The following NCOR2 variants were observed in gnomAD, a reference collection of about 807,000 sequenced individuals.
NCOR2 encodes the protein nuclear receptor corepressor 2, also known as CTG repeat protein 26.
NCOR2 carries 81 observed loss-of-function variants against 262.9 expected under a neutral mutation model. The ratio of observed to expected loss-of-function variants is 0.31; its 90% CI spans 0.26 to 0.37. The LOEUF (loss-of-function observed/expected upper bound fraction) is 0.37, where lower values mean the gene tolerates loss of function less well. Among genes scored for constraint, NCOR2 ranks in the 10% least tolerant of loss-of-function variants. The pLI is 1.00. For missense variants in NCOR2, 3,385 were observed against 3,621.4 expected (o/e 0.93, Z 1.68); for synonymous variants, 1,659 against 1,559.3 (o/e 1.06, Z -1.51).
intron 13 of NCOR2, among the ~76,000 whole-genome samples, chr12:124,409,898 T>C (rs2042472051): frequency 6.6e-6 from 1 of 151,902 alleles, no homozygotes; most frequent in African/African-American, 2.4e-5. Context: ...TGGCTGGTCT[T>C]GAACTCCTGG....
At chr12:124,425,493 T>C (rs1320987056) in intron 11 of NCOR2, among the ~76,000 whole-genome samples, 1 of 152,128 alleles carries the variant, frequency 6.6e-6, no homozygotes, top group African/African-American at 2.4e-5. Context: ...AGACATTTCT[T>C]TTTCCAGTGT....
At chr12:124,447,145 C>A (rs903054787) in intron 7 of NCOR2, among the ~76,000 whole-genome samples, 4 of 152,216 alleles carry the variant, frequency 2.6e-5, no homozygotes, top group Non-Finnish European at 5.9e-5. Flanking sequence ...GAACTCCTGA[C>A]CTCAAGTTAT....
At chr12:124,565,331 C>CGGCAGGCGGCTCA (rs1202023084) in intron 1 of NCOR2, among the ~76,000 whole-genome samples, 1 of 152,140 alleles carries the variant, frequency 6.6e-6, no homozygotes, top group Non-Finnish European at 1.5e-5. Flanking sequence ...AGCAGGGACA[C>CGGCAGGCGGCTCA]GGCAGGCGGC....
chr12:124,450,176 C>T (rs1208389861), intron 6 of NCOR2, among the ~76,000 whole-genome samples: 1 of 152,240 alleles, frequency 6.6e-6, no homozygotes, highest in Non-Finnish European at 1.5e-5. Context: ...CCGGACAAAC[C>T]CACACACACC....
intron 41 of NCOR2, among the ~76,000 whole-genome samples, chr12:124,333,849 GGTGTGCATGTGTGT>G (rs1281475007): frequency 2.8e-5 from 3 of 107,870 alleles, no homozygotes; most frequent in South Asian, 3.5e-4. Flanking sequence ...CCTGTGTGCG[GGTGTGCATGTGTGT>G]GTGCGCATGT....
intron 1 of NCOR2, among the ~76,000 whole-genome samples, chr12:124,521,429 C>G (rs772864390): frequency 6.6e-6 from 1 of 152,166 alleles, no homozygotes; most frequent in African/African-American, 2.4e-5. Flanking sequence ...AATGGAATTC[C>G]GCCATATAAA....
chr12:124,522,775 T>C (rs1443583483), intron 1 of NCOR2, among the ~76,000 whole-genome samples: 3 of 152,244 alleles, frequency 2.0e-5, no homozygotes, highest in African/African-American at 4.8e-5. Context: ...GGCTGGAAGC[T>C]GCAGAGGAGA....
chr12:124,385,858 C>T (rs1307691879), exon 17 of NCOR2: 3 of 1,613,636 alleles, frequency 1.9e-6, no homozygotes, highest in South Asian at 2.2e-5. Flanking sequence ...CGGGCGATGG[C>T]CGACCAGTTG....
chr12:124,356,247 C>G (rs2037945989), intron 23 of NCOR2, among the ~76,000 whole-genome samples: 1 of 152,260 alleles, frequency 6.6e-6, no homozygotes, highest in African/African-American at 2.4e-5. Flanking sequence ...GCTGGTGAGG[C>G]CCAGCAGGAC....
chr12:124,411,945 C>CAA (rs1221817820), intron 13 of NCOR2, among the ~76,000 whole-genome samples: 1 of 152,218 alleles, frequency 6.6e-6, no homozygotes, highest in Non-Finnish European at 1.5e-5. Flanking sequence ...GCTAGCATTC[C>CAA]AAAAGCCTAT....
At chr12:124,557,896 T>C (rs2051935136) in intron 1 of NCOR2, among the ~76,000 whole-genome samples, 2 of 152,016 alleles carry the variant, frequency 1.3e-5, no homozygotes, top group Admixed American at 6.5e-5. Flanking sequence ...AAAGGCCCCC[T>C]GACTCCTGCC....
chr12:124,327,274 G>A (rs1321032850), intron 45 of NCOR2, 135 bp downstream of exon 47: 3 of 738,634 alleles, frequency 4.1e-6, no homozygotes, highest in South Asian at 1.8e-5. Context: ...TCCAGAACGA[G>A]GTCAAACACG....
intron 8 of NCOR2, among the ~76,000 whole-genome samples, chr12:124,431,060 G>C (rs1205119754): frequency 1.3e-5 from 2 of 150,482 alleles, no homozygotes. Flanking sequence ...CATATACTCA[G>C]ACACAGTCAC....
exon 4 of NCOR2, chr12:124,473,048 T>A (rs1481555181): frequency 1.9e-6 from 3 of 1,613,960 alleles, no homozygotes; most frequent in Non-Finnish European, 2.5e-6. Flanking sequence ...TGGACAGCCG[T>A]GGCGGCACCA....
intron 4 of NCOR2, among the ~76,000 whole-genome samples, chr12:124,469,281 A>G (rs1200730372): frequency 6.6e-6 from 1 of 152,152 alleles, no homozygotes; most frequent in Non-Finnish European, 1.5e-5. Flanking sequence ...AAGGTGCCCA[A>G]GAAGAAGTGA....
At chr12:124,500,026 C>G (rs1165230387), upstream of NCOR2, among the ~76,000 whole-genome samples, 6 of 152,128 alleles carry the variant, frequency 3.9e-5, no homozygotes. Flanking sequence ...GCTGCGAGGA[C>G]CCTGTGCCTG....
At chr12:124,420,378 G>A (rs1162069748) in intron 12 of NCOR2, among the ~76,000 whole-genome samples, 2 of 152,184 alleles carry the variant, frequency 1.3e-5, no homozygotes, top group Non-Finnish European at 2.9e-5. Context: ...TAATGACAGC[G>A]CTGACGTCGC....
intron 30 of NCOR2, 113 bp from the exon 33 acceptor site, chr12:124,346,963 G>A: frequency 1.6e-6 from 2 of 1,274,706 alleles, no homozygotes; most frequent in East Asian, 2.9e-5. Context: ...CCCACTTGCT[G>A]TGTGACCTTG....
chr12:124,519,012 C>G (rs899697956), intron 1 of NCOR2, among the ~76,000 whole-genome samples: 9 of 150,914 alleles, frequency 6.0e-5, no homozygotes, highest in Admixed American at 1.3e-4. Flanking sequence ...GAAAAGAAAG[C>G]GTGACCCCCT....
Sources: gnomAD v4.1 joint callset for allele counts (sites outside exome capture counted in the v4.1 genomes callset) on GRCh38, gnomAD v4.1.1 for gene constraint, MANE v1.5 for transcripts, NCBI Gene and HGNC (gene_info 2026-07-23, HGNC 2026-07-21) for gene names.